KCNN2: variants seen among roughly 807,000 people sequenced by gnomAD.
The protein encoded by KCNN2 is potassium calcium-activated channel subfamily N member 2.
A neutral mutation model predicts 55.5 loss-of-function variants in KCNN2; 24 were observed. The observed-to-expected ratio is 0.43, with a 90% CI of 0.31 to 0.61. The LOEUF (loss-of-function observed/expected upper bound fraction) is 0.61, where lower values mean the gene tolerates loss of function less well. Among genes scored for constraint, KCNN2 ranks in the 20% least tolerant of loss-of-function variants. The pLI is 0.08. For missense variants in KCNN2, 754 were observed against 853.6 expected, an observed-to-expected ratio of 0.88 and a Z score of 1.45; for synonymous variants, 431 against 336.1, an observed-to-expected ratio of 1.28 and a Z score of -3.09.
At position 114,473,321 on chromosome 5, in the gene KCNN2, A is replaced by C. The variant is rs1761834653; in HGVS notation, c.1890+157A>C. ...TTCCATTTTATCACATTTTGAGAAT[A>C]GACTATTTCTACCTTGAGGTCAGTT... On this transcript the variant is annotated intron_variant, in intron 5 of 7. Transcript: ENST00000673685. 1.3e-5 allele frequency: 8 copies of C among 626,914 alleles called. 1 individual carries two copies. The Admixed American group carries it at 2.0e-4, about 16-fold the overall frequency. 38.8% of individuals were successfully genotyped at this position (626,914 alleles called of 1,614,324 possible). A position where few individuals can be genotyped will look rare whatever the true frequency, so the allele number is the denominator to read the frequency against.
rs570129277 is a variant in KCNN2, at chr5:114,339,013, G to A, written c.-184-21932G>A. ...CATTAAAGAACTCTGAGAATTATGC[G>A]GTCAGTCATTGGTGGCAGCCTTCGC... On this transcript the variant is annotated intron_variant, in intron 2 of 10. Transcript: ENST00000512097. Among the ~76,000 whole-genome samples the A allele has an allele frequency of 3.0e-4, 45 of 152,308 alleles. No homozygotes were observed. In the Middle Eastern group the frequency reaches 0.01, roughly 35 times the overall value.
chr5:114,130,186 C>T (rs531770699), intron 1 of KCNN2, among the ~76,000 whole-genome samples: 14 of 152,286 alleles, frequency 9.2e-5, no homozygotes, highest in African/African-American at 3.4e-4. Flanking sequence ...AATTGTTTTA[C>T]AAGCTATTTA....
chr5:114,158,677 A>C (rs1185369438), intron 1 of KCNN2, among the ~76,000 whole-genome samples: 5 of 150,652 alleles, frequency 3.3e-5, no homozygotes, highest in East Asian at 1.9e-4. Flanking sequence ...CTTTTATTTC[A>C]TTGAGCAGTG....
At chr5:114,481,964 T>C (rs1315990220) in intron 5 of KCNN2, among the ~76,000 whole-genome samples, 2 of 152,190 alleles carry the variant, frequency 1.3e-5, no homozygotes, top group South Asian at 2.1e-4. Flanking sequence ...ATTCAGGACA[T>C]AGTCACGGGC....
At chr5:114,489,341 C>T (rs1324304462) in intron 6 of KCNN2, among the ~76,000 whole-genome samples, 2 of 152,066 alleles carry the variant, frequency 1.3e-5, no homozygotes, top group African/African-American at 4.8e-5. Context: ...TGTCCCTAAG[C>T]AAGTTGCAAA....
At chr5:114,305,164 A>G (rs1756242820) in intron 2 of KCNN2, among the ~76,000 whole-genome samples, 2 of 152,200 alleles carry the variant, frequency 1.3e-5, no homozygotes, top group South Asian at 4.1e-4. Flanking sequence ...GGGAAAAATA[A>G]TCGTGTTTGG....
At chr5:114,341,120 G>A (rs1041025976) in intron 2 of KCNN2, among the ~76,000 whole-genome samples, 1 of 152,060 alleles carries the variant, frequency 6.6e-6, no homozygotes, top group Admixed American at 6.6e-5. Flanking sequence ...TCTGTATTGT[G>A]GCTGTTATGA....
intron 1 of KCNN2, among the ~76,000 whole-genome samples, chr5:114,142,106 C>G (rs1309404595): frequency 1.3e-5 from 2 of 152,104 alleles, no homozygotes; most frequent in Non-Finnish European, 2.9e-5. Context: ...ATGGTAGTTT[C>G]TTTTGCCGTG....
chr5:114,371,081 C>T (rs1757750097), intron 2 of KCNN2, among the ~76,000 whole-genome samples: 1 of 152,118 alleles, frequency 6.6e-6, no homozygotes, highest in Admixed American at 6.6e-5. Flanking sequence ...TAGAATGTGG[C>T]AGGTAAGGGC....
At chr5:114,436,307 G>C (rs1760002074) in intron 3 of KCNN2, among the ~76,000 whole-genome samples, 1 of 152,158 alleles carries the variant, frequency 6.6e-6, no homozygotes, top group African/African-American at 2.4e-5. Context: ...ATTTAGGAAT[G>C]GTTTCCTATC....
At chr5:114,456,042 C>G (rs984343449) in intron 3 of KCNN2, among the ~76,000 whole-genome samples, 1 of 152,148 alleles carries the variant, frequency 6.6e-6, no homozygotes, top group Non-Finnish European at 1.5e-5. Context: ...TAGCTAAGAT[C>G]GTTGAAGGTG....
chr5:114,480,736 C>A (rs1461170847), intron 5 of KCNN2, among the ~76,000 whole-genome samples: 1 of 152,120 alleles, frequency 6.6e-6, no homozygotes, highest in Non-Finnish European at 1.5e-5. Flanking sequence ...AAATGTGATT[C>A]ATCACAATAA....
chr5:114,376,659 C>G (rs1757956730), intron 2 of KCNN2, among the ~76,000 whole-genome samples: 1 of 152,142 alleles, frequency 6.6e-6, no homozygotes, highest in Non-Finnish European at 1.5e-5. Flanking sequence ...TGAATGATGA[C>G]CTGTACATTC....
At chr5:114,468,653 T>G (rs963799334) in intron 4 of KCNN2, among the ~76,000 whole-genome samples, 1 of 152,192 alleles carries the variant, frequency 6.6e-6, no homozygotes, top group Non-Finnish European at 1.5e-5. Flanking sequence ...ATTTTGAACA[T>G]TAGTGTTTTT....
intron 3 of KCNN2, among the ~76,000 whole-genome samples, chr5:114,429,219 G>A (rs771639884): frequency 6.6e-6 from 1 of 151,920 alleles, no homozygotes; most frequent in Non-Finnish European, 1.5e-5. Context: ...CCACATCCTT[G>A]TCAGCATTTG....
At chr5:114,057,774 A>C (rs1750242565) in intron 1 of KCNN2, among the ~76,000 whole-genome samples, 1 of 152,200 alleles carries the variant, frequency 6.6e-6, no homozygotes, top group South Asian at 2.1e-4. Flanking sequence ...GAAGAAAGAC[A>C]AATAGCCAAT....
intron 2 of KCNN2, among the ~76,000 whole-genome samples, chr5:114,247,042 G>A (rs958676999): frequency 1.3e-5 from 2 of 151,304 alleles, no homozygotes; most frequent in Admixed American, 1.3e-4. Context: ...GGGCACTCAC[G>A]CCTGTAATCC....
rs1963503 is a variant in KCNN2 at position 114,482,823 on chromosome 5, T to C, written c.1891-4227T>C. On this transcript the variant is annotated intron_variant, in intron 5 of 7. Transcript: ENST00000673685. ...TTCTGACTTATAAGTGACAGCTGAA[T>C]GATGAGAATACATGGACACATGGTG... Among the ~76,000 whole-genome samples, 826 of 152,194 alleles carry C rather than the reference T, an allele frequency of 5.4e-3. 10 individuals carry two copies. The highest frequency in any genetic ancestry group is 0.019 in the African/African-American group (787 of 41,538).
At chr5:114,226,853 A>G (rs936654212) in intron 2 of KCNN2, among the ~76,000 whole-genome samples, 4 of 147,018 alleles carry the variant, frequency 2.7e-5, no homozygotes, top group East Asian at 2.0e-4. Flanking sequence ...GTGAGCTGAG[A>G]TTGCGCCACT....
Sources: allele counts gnomAD v4.1 joint callset (sites outside exome capture counted in the v4.1 genomes callset), GRCh38; gene constraint gnomAD v4.1.1; transcripts MANE v1.5; gene names NCBI Gene and HGNC (gene_info 2026-07-23, HGNC 2026-07-21).